Variants in CREM observed in about 807,000 individuals in gnomAD.
The protein encoded by CREM is cAMP responsive element modulator.
Under a neutral mutation model 37.3 loss-of-function variants are expected in CREM, and 13 were observed. The observed-to-expected ratio is 0.35, with a 90% CI of 0.23 to 0.55. CREM has a LOEUF of 0.55. Ranked by LOEUF, CREM falls within the 20% of genes least tolerant of loss-of-function variation. The probability of loss-of-function intolerance (pLI) is 0.88; values close to 1 mark genes in which losing one functional copy is unlikely to be tolerated. For synonymous variants in CREM, 124 were observed against 120.2 expected, an observed-to-expected ratio of 1.03 and a Z score of -0.21; for missense variants, 296 against 362.3, an observed-to-expected ratio of 0.82 and a Z score of 1.49.
chr10:35,183,383 A>C (rs2094433452), intron 5 of CREM, among the ~76,000 whole-genome samples: 1 of 152,206 alleles, frequency 6.6e-6, no homozygotes, highest in South Asian at 2.1e-4. Flanking sequence ...TACACATTCG[A>C]AAGTTAATCC....
chr10:35,145,924 CT>C (rs533218632), intron 2 of CREM, among the ~76,000 whole-genome samples: 11 of 152,112 alleles, frequency 7.2e-5, no homozygotes, highest in Admixed American at 6.5e-4. Flanking sequence ...GTTTGATTCA[CT>C]AGGTTTGGGG....
At chr10:35,179,073 T>G (rs1289063425) in intron 4 of CREM, 61 bp from the exon 5 acceptor site, 1 of 1,542,216 alleles carries the variant, frequency 6.5e-7, no homozygotes, top group East Asian at 2.3e-5. Flanking sequence ...CCTTTATAGC[T>G]TTTCTGTTTT....
At chr10:35,210,825 A>T (rs910889262) in intron 7 of CREM, 1 of 153,458 alleles carries the variant, frequency 6.5e-6, no homozygotes, top group African/African-American at 2.4e-5. Context: ...GTTTTTGAGG[A>T]TTAATTCTTA....
chr10:35,146,328 T>C (rs1236640818), intron 2 of CREM, among the ~76,000 whole-genome samples: 1 of 152,234 alleles, frequency 6.6e-6, no homozygotes, highest in Non-Finnish European at 1.5e-5. Flanking sequence ...TCAGATACTT[T>C]TAGAAAATGC....
chr10:35,206,779 A>G lies in CREM; in HGVS notation c.599-116A>G. 8.4e-6 allele frequency: 8 copies of G among 949,248 alleles called. No homozygotes were observed. In the South Asian group the frequency reaches 9.5e-5, roughly 11 times the overall value. The allele number at this position is 949,248 out of a possible 1,614,324, so 58.8% of individuals were successfully genotyped here. On this transcript the variant is annotated intron_variant, in intron 6 of 7. Transcript: ENST00000685392. ...AATGCTCAGAATAATTATCTTAAAC[A>G]TTACAAGATCACCTCTTATGAGATG... is the stretch of plus-strand genomic sequence containing the variant.
At chr10:35,202,137 A>G (rs912424223) in intron 6 of CREM, among the ~76,000 whole-genome samples, 10 of 152,236 alleles carry the variant, frequency 6.6e-5, no homozygotes, top group Admixed American at 4.6e-4. Context: ...GATAACCCAT[A>G]TATTTTCAAA....
intron 3 of CREM, among the ~76,000 whole-genome samples, chr10:35,158,799 TTTTTTTTTTGTTGTTTTGTTTG>T (rs2093084498): frequency 8.0e-6 from 1 of 125,010 alleles, no homozygotes; most frequent in South Asian, 2.8e-4. Flanking sequence ...AAATATAGTG[TTTTTTTTTTGTTGTTTTGTTTG>T]TTTTTTTTTT....
chr10:35,191,836 A>T (rs1489789641), intron 6 of CREM, among the ~76,000 whole-genome samples: 4 of 152,018 alleles, frequency 2.6e-5, no homozygotes, highest in Non-Finnish European at 2.9e-5. Flanking sequence ...GCTTCAGTTC[A>T]CTGTGACTAT....
chr10:35,211,188 C>T, intron 7 of CREM, 66 bp from the exon 8 acceptor site: 7 of 1,561,028 alleles, frequency 4.5e-6, no homozygotes, highest in Non-Finnish European at 6.1e-6. Flanking sequence ...GGCAGAAGTG[C>T]ACTGACCCAC....
intron 3 of CREM, among the ~76,000 whole-genome samples, chr10:35,175,261 T>TA (rs72221352): frequency 1.3e-5 from 2 of 152,002 alleles, no homozygotes; most frequent in Admixed American, 1.3e-4. Flanking sequence ...TCCTGGCTAA[T>TA]GGGTGAAACC....
intron 5 of CREM, among the ~76,000 whole-genome samples, chr10:35,185,032 G>A (rs2094494224): frequency 1.5e-5 from 1 of 66,076 alleles, no homozygotes; most frequent in Non-Finnish European, 3.2e-5. Flanking sequence ...GGAAATGATA[G>A]CCATTCATTC....
chr10:35,170,322 T>C (rs1205478363), intron 3 of CREM, among the ~76,000 whole-genome samples: 1 of 152,168 alleles, frequency 6.6e-6, no homozygotes, highest in East Asian at 1.9e-4. Flanking sequence ...CTGAGGATTT[T>C]TGCATCGATG....
Position 35,194,097 on chromosome 10 carries a change from CAAAAAAAA to C in CREM, c.598+5729_598+5736del, listed in dbSNP as rs371978117. On this transcript the variant is annotated intron_variant, in intron 6 of 7. Coordinates refer to ENST00000685392, the MANE Select transcript of CREM (RefSeq NM_183011.2). Reference sequence around the variant, plus strand: ...GGGGGAGAATAGCGAGACTTCATCTCAAAAAAAAAAAAAAAAAAAAAAAAAAAGACAAA... The same window carrying C: ...GGGGGAGAATAGCGAGACTTCATCTCAAAAAAAAAAAAAAAAAAAGACAAA... Among the ~76,000 whole-genome samples, 24 of 25,064 alleles carry C rather than the reference CAAAAAAAA, an allele frequency of 9.6e-4. No homozygotes were observed. The South Asian group carries it at 0.06, about 63-fold the overall frequency. 16.4% of individuals were successfully genotyped at this position (25,064 alleles called of 152,430 possible).
chr10:35,161,426 G>A (rs934558277), intron 3 of CREM, among the ~76,000 whole-genome samples: 25 of 151,932 alleles, frequency 1.6e-4, no homozygotes, highest in Middle Eastern at 6.8e-3. Context: ...ACCCAGAGGC[G>A]GAGGTTGCAG....
chr10:35,179,754 G>T (rs1371201210), intron 5 of CREM: 1 of 152,802 alleles, frequency 6.5e-6, no homozygotes, highest in African/African-American at 2.4e-5. Flanking sequence ...ATGGAAAAAT[G>T]ATTTAATTTT....
At chr10:35,177,134 T>C (rs1589962311) in intron 3 of CREM, among the ~76,000 whole-genome samples, 1 of 152,184 alleles carries the variant, frequency 6.6e-6, no homozygotes, top group African/African-American at 2.4e-5. Flanking sequence ...AGTCCTTTTC[T>C]TGCGTGTTCA....
chr10:35,189,179 T>G (rs778408826), intron 6 of CREM, among the ~76,000 whole-genome samples: 52 of 147,926 alleles, frequency 3.5e-4, no homozygotes, highest in Non-Finnish European at 5.8e-4. Flanking sequence ...GGTTTTTTGT[T>G]TTTTTTTGTT....
chr10:35,193,037 G>A (rs7077242), intron 6 of CREM, among the ~76,000 whole-genome samples: 3 of 151,948 alleles, frequency 2.0e-5, no homozygotes, highest in Admixed American at 6.6e-5. Flanking sequence ...ATAAGAATAC[G>A]TTCCCCGAGG....
At chr10:35,178,483 C>A (rs2094198311) in intron 3 of CREM, among the ~76,000 whole-genome samples, 1 of 152,216 alleles carries the variant, frequency 6.6e-6, no homozygotes, top group Non-Finnish European at 1.5e-5. Context: ...GTGGGAACAG[C>A]AGTGTGATCC....
Sources: gnomAD v4.1 joint callset for allele counts (sites outside exome capture counted in the v4.1 genomes callset) on GRCh38, gnomAD v4.1.1 for gene constraint, MANE v1.5 for transcripts, NCBI Gene and HGNC (gene_info 2026-07-23, HGNC 2026-07-21) for gene names.